HDAC9: variants seen among roughly 807,000 people sequenced by gnomAD.
HDAC9 encodes histone deacetylase 9, also known as MEF-2 interacting transcription repressor (MITR) protein.
Under a neutral mutation model 139.4 loss-of-function variants are expected in HDAC9, and 41 were observed. The ratio of observed to expected loss-of-function variants is 0.29; its 90% CI spans 0.23 to 0.38. The LOEUF (loss-of-function observed/expected upper bound fraction) is 0.38, where lower values mean the gene tolerates loss of function less well. HDAC9 is among the 10% of genes least tolerant of loss of function. The pLI is 1.00. For missense variants in HDAC9, 1,147 were observed against 1,297.0 expected, an observed-to-expected ratio of 0.88 and a Z score of 1.78; for synonymous variants, 517 against 476.2, an observed-to-expected ratio of 1.09 and a Z score of -1.12.
At chr7:18,562,066 G>A (rs2128710405) in intron 2 of HDAC9, among the ~76,000 whole-genome samples, 1 of 152,174 alleles carries the variant, frequency 6.6e-6, no homozygotes, top group South Asian at 2.1e-4. Flanking sequence ...GTTTTGATTT[G>A]CATTGCCCTG....
chr7:18,241,878 G>T (rs1794210058), intron 2 of HDAC9, among the ~76,000 whole-genome samples: 1 of 152,206 alleles, frequency 6.6e-6, no homozygotes, highest in African/African-American at 2.4e-5. Flanking sequence ...GGCTGTGCTG[G>T]GATATGAAGG....
chr7:18,711,770 T>C (rs1410496797), intron 12 of HDAC9, among the ~76,000 whole-genome samples: 1 of 152,210 alleles, frequency 6.6e-6, no homozygotes, highest in Non-Finnish European at 1.5e-5. Context: ...ACAGCACTTG[T>C]GCTATAAATC....
At chr7:18,151,992 A>G (rs890286852) in intron 1 of HDAC9, 8 of 152,212 alleles carry the variant, frequency 5.3e-5, no homozygotes, top group African/African-American at 1.9e-4. Flanking sequence ...ATGTTTGAAT[A>G]AATTTCAGTC....
chr7:18,451,421 GTA>G lies in HDAC9; in HGVS notation c.-41-44833_-41-44832del, dbSNP rs879485455. 7.5e-3 allele frequency among the ~76,000 whole-genome samples: 1,110 copies of G among 148,298 alleles called. 11 individuals are homozygous for G. The highest frequency in any genetic ancestry group is 0.026 in the African/African-American group (1,039 of 39,708). On this transcript the variant is annotated intron_variant, in intron 1 of 3. Transcript: ENST00000413509. ...TGTGTGTATATATGTGTGTGTGTGT[GTA>G]TATATATGTGTGTGTGTGTGTGTGT...
Position 18,340,265 on chromosome 7 carries a change from T to G in HDAC9, c.-42+49750T>G, listed in dbSNP as rs543168741. Among the ~76,000 whole-genome samples the G allele has an allele frequency of 7.2e-4, 109 of 151,674 alleles. 1 individual carries two copies. The highest frequency in any genetic ancestry group is 5.8e-4 in the East Asian group (3 of 5,150). Reference sequence around the variant, plus strand: ...ACTTTTAACCTATTTGAGTCATATTTATAATGAGTACCTTGAAGGCTGCAT... The same window carrying G: ...ACTTTTAACCTATTTGAGTCATATTGATAATGAGTACCTTGAAGGCTGCAT... On this transcript the variant is annotated intron_variant, in intron 1 of 3. Coordinates refer to the HDAC9 transcript ENST00000413509.
In HDAC9 at chr7:18,461,153, A is replaced by T. The variant is rs550549165; in HGVS notation, c.-41-35109A>T. Among the ~76,000 whole-genome samples, 3 of 152,308 alleles carry T rather than the reference A, an allele frequency of 2.0e-5. No homozygotes were observed. The East Asian group carries it at 5.8e-4, about 29-fold the overall frequency. On this transcript the variant is annotated intron_variant, in intron 1 of 3. Coordinates refer to the HDAC9 transcript ENST00000413509. The stretch of plus-strand genomic sequence containing the variant: ...ATACATACACACATATATTTCTCTC[A>T]GACATACGCAGACTTTTCAGTCAGA...
At chr7:18,568,666 A>G (rs1196959339) in intron 2 of HDAC9, among the ~76,000 whole-genome samples, 1 of 152,212 alleles carries the variant, frequency 6.6e-6, no homozygotes, top group African/African-American at 2.4e-5. Flanking sequence ...GAAATACACT[A>G]TGATAATTTT....
intron 1 of HDAC9, among the ~76,000 whole-genome samples, chr7:18,392,690 T>G (rs1390058820): frequency 1.3e-5 from 2 of 152,090 alleles, no homozygotes; most frequent in Non-Finnish European, 2.9e-5. Context: ...TATTTTACCT[T>G]GTCATCAACA....
At chr7:18,816,283 A>T (rs1794556840) in intron 17 of HDAC9, among the ~76,000 whole-genome samples, 1 of 152,228 alleles carries the variant, frequency 6.6e-6, no homozygotes, top group South Asian at 2.1e-4. Flanking sequence ...TTAGGAAGGA[A>T]GCATTCAACT....
intron 6 of HDAC9, among the ~76,000 whole-genome samples, chr7:18,608,549 C>T (rs935490038): frequency 3.9e-5 from 6 of 152,106 alleles, no homozygotes; most frequent in Non-Finnish European, 7.4e-5. Flanking sequence ...AACCTTCATT[C>T]TAACACTTCC....
chr7:18,385,631 A>C (rs1406365362), intron 1 of HDAC9, among the ~76,000 whole-genome samples: 1 of 152,200 alleles, frequency 6.6e-6, no homozygotes, highest in Non-Finnish European at 1.5e-5. Context: ...GGCCATAGTC[A>C]TACTTACGAT....
chr7:18,759,079 G>A (rs1455996253), intron 14 of HDAC9, among the ~76,000 whole-genome samples: 1 of 152,072 alleles, frequency 6.6e-6, no homozygotes, highest in African/African-American at 2.4e-5. Flanking sequence ...GGCAAGGATG[G>A]GGCCTAGAGT....
At chr7:18,822,104 C>A (rs1028002282) in intron 17 of HDAC9, among the ~76,000 whole-genome samples, 3 of 152,146 alleles carry the variant, frequency 2.0e-5, no homozygotes, top group African/African-American at 7.2e-5. Context: ...ATCACATGGG[C>A]AAGATTGATC....
At chr7:18,300,944 A>G (rs1167630684) in intron 1 of HDAC9, among the ~76,000 whole-genome samples, 4 of 152,164 alleles carry the variant, frequency 2.6e-5, no homozygotes, top group Non-Finnish European at 4.4e-5. Context: ...AGCTCACACT[A>G]TTCCTCATGA....
intron 2 of HDAC9, among the ~76,000 whole-genome samples, chr7:18,557,870 A>G (rs1248554874): frequency 6.6e-6 from 1 of 151,814 alleles, no homozygotes; most frequent in Non-Finnish European, 1.5e-5. Context: ...GTACTAACAT[A>G]TATTTTTCTT....
intron 2 of HDAC9, among the ~76,000 whole-genome samples, chr7:18,264,402 A>G (rs1202811497): frequency 6.6e-6 from 1 of 152,360 alleles, no homozygotes; most frequent in South Asian, 2.1e-4. Context: ...GGAATTAAAC[A>G]ATATACTCCC....
At chr7:18,527,802 C>A (rs966276810) in intron 2 of HDAC9, among the ~76,000 whole-genome samples, 1 of 151,978 alleles carries the variant, frequency 6.6e-6, no homozygotes, top group Non-Finnish European at 1.5e-5. Context: ...TTATCTATAA[C>A]AACTTCTATA....
chr7:18,612,812 G>C (rs1047333872), intron 6 of HDAC9, among the ~76,000 whole-genome samples: 2 of 151,948 alleles, frequency 1.3e-5, no homozygotes, highest in Admixed American at 6.6e-5. Context: ...GACCATGACT[G>C]TTAAGGTCTC....
At chr7:18,956,587 C>T (rs900351883) in intron 24 of HDAC9, among the ~76,000 whole-genome samples, 2 of 152,184 alleles carry the variant, frequency 1.3e-5, no homozygotes, top group African/African-American at 2.4e-5. Flanking sequence ...CCTTCTGAGT[C>T]AAGGATATAT....
Sources: allele counts gnomAD v4.1 joint callset (sites outside exome capture counted in the v4.1 genomes callset), GRCh38; gene constraint gnomAD v4.1.1; transcripts MANE v1.5; gene names NCBI Gene and HGNC (gene_info 2026-07-23, HGNC 2026-07-21).